MLIP: variants seen among roughly 807,000 people sequenced by gnomAD.
MLIP encodes the protein muscular LMNA-interacting protein.
Under a neutral mutation model 84.8 loss-of-function variants are expected in MLIP, and 79 were observed. The observed-to-expected ratio is 0.93, with a 90% confidence interval of 0.78 to 1.12. The LOEUF is 1.12. Among genes scored for constraint, MLIP ranks in the 50% most tolerant of loss-of-function variants. MLIP has a pLI of 0.00. For synonymous variants in MLIP, 504 were observed against 463.0 expected, an observed-to-expected ratio of 1.09 and a Z score of -1.14; for missense variants, 1,257 against 1,160.6, an observed-to-expected ratio of 1.08 and a Z score of -1.21.
chr6:54,117,391 T>A (rs1343487548), intron 1 of MLIP, among the ~76,000 whole-genome samples: 1 of 151,394 alleles, frequency 6.6e-6, no homozygotes, highest in Non-Finnish European at 1.5e-5. Flanking sequence ...ATTTTTTGTA[T>A]TTTTAGTAGA....
chr6:54,054,526 A>T (rs188217448), intron 1 of MLIP, among the ~76,000 whole-genome samples: 2 of 152,220 alleles, frequency 1.3e-5, no homozygotes, highest in Admixed American at 1.3e-4. Flanking sequence ...GCAGAAACAT[A>T]CATTTTTGCA....
intron 2 of MLIP, among the ~76,000 whole-genome samples, chr6:54,122,856 C>A (rs1423628799): frequency 6.6e-6 from 1 of 152,094 alleles, no homozygotes; most frequent in Admixed American, 6.6e-5. Context: ...TATATACAAC[C>A]ACATCTTTAA....
chr6:54,239,368 A>T (rs9395918), intron 12 of MLIP, among the ~76,000 whole-genome samples: 44,435 of 141,580 alleles, frequency 0.31, 9,510 homozygotes, highest in African/African-American at 0.64. Context: ...TATATATATA[A>T]TATATATATA....
chr6:54,140,767 C>T (rs928201655), intron 4 of MLIP, among the ~76,000 whole-genome samples: 2 of 152,098 alleles, frequency 1.3e-5, no homozygotes, highest in Admixed American at 1.3e-4. Flanking sequence ...ATAGATAAAT[C>T]TTATCCCAAG....
At position 54,039,840 on chromosome 6, in the gene MLIP, G is replaced by A. The variant is rs571534497; in HGVS notation, c.63+20749G>A. Among the ~76,000 whole-genome samples, 12 of 151,952 alleles carry A rather than the reference G, an allele frequency of 7.9e-5. No individual in the cohort carries two copies. In the South Asian group the frequency reaches 1.5e-3, roughly 18 times the overall value. ...GTTGTAGGCTGAAATGTTCAGCCAC[G>A]CTAAAATGTTAAACATTTTAGATCA... On this transcript the variant is annotated intron_variant, in intron 1 of 12. Coordinates refer to the MLIP transcript ENST00000274897.
chr6:54,096,850 C>T (rs1188937008), intron 1 of MLIP, among the ~76,000 whole-genome samples: 1 of 152,154 alleles, frequency 6.6e-6, no homozygotes, highest in Non-Finnish European at 1.5e-5. Flanking sequence ...GTCATTGATG[C>T]TGTGGCACAG....
At chr6:54,117,607 A>T (rs904176602) in intron 1 of MLIP, among the ~76,000 whole-genome samples, 1 of 151,998 alleles carries the variant, frequency 6.6e-6, no homozygotes, top group Admixed American at 6.6e-5. Flanking sequence ...TTTGGAAAGG[A>T]AGCAGTTAAA....
intron 9 of MLIP, among the ~76,000 whole-genome samples, chr6:54,186,320 T>G (rs751984622): frequency 6.6e-6 from 1 of 152,214 alleles, no homozygotes; most frequent in Non-Finnish European, 1.5e-5. Context: ...TTATAATTAT[T>G]CATCTGTATG....
intron 1 of MLIP, among the ~76,000 whole-genome samples, chr6:54,023,951 C>T (rs1763656454): frequency 6.6e-6 from 1 of 152,154 alleles, no homozygotes; most frequent in Admixed American, 6.5e-5. Context: ...TGTAAAGCTA[C>T]AAAGAATTTT....
intron 5 of MLIP, among the ~76,000 whole-genome samples, chr6:54,154,378 C>G (rs772043871): frequency 2.0e-5 from 3 of 152,164 alleles, no homozygotes; most frequent in Non-Finnish European, 4.4e-5. Context: ...TATAGAACAG[C>G]CTTCTGCTGG....
At chr6:54,217,320 TAAG>T (rs1348122665) in intron 11 of MLIP, 1 of 985,228 alleles carries the variant, frequency 1.0e-6, no homozygotes, top group East Asian at 1.1e-4. Context: ...CAGGCTTTAA[TAAG>T]AAGAGCTCAA....
At chr6:54,220,416 GA>G (rs1165545191) in intron 11 of MLIP, among the ~76,000 whole-genome samples, 2 of 152,018 alleles carry the variant, frequency 1.3e-5, no homozygotes, top group Non-Finnish European at 2.9e-5. Context: ...TCTTAACAGG[GA>G]AAAAATGAAA....
chr6:54,057,326 T>C (rs575681821), intron 1 of MLIP, among the ~76,000 whole-genome samples: 1 of 152,318 alleles, frequency 6.6e-6, no homozygotes, highest in South Asian at 2.1e-4. Context: ...AGTTCAGTAG[T>C]TACAACTGCA....
chr6:54,240,358 AT>A (rs1012674373), intron 12 of MLIP, among the ~76,000 whole-genome samples: 3 of 152,036 alleles, frequency 2.0e-5, no homozygotes, highest in African/African-American at 7.2e-5. Flanking sequence ...ATTACGGCCT[AT>A]TTTTCTATTG....
intron 1 of MLIP, among the ~76,000 whole-genome samples, chr6:54,024,704 A>G (rs1362939812): frequency 6.6e-6 from 1 of 152,222 alleles, no homozygotes; most frequent in Non-Finnish European, 1.5e-5. Flanking sequence ...AAACATTCTA[A>G]GTGTACAAAC....
At chr6:54,203,515 T>C (rs1351788548) in intron 11 of MLIP, 6 of 152,202 alleles carry the variant, frequency 3.9e-5, no homozygotes, top group Non-Finnish European at 8.8e-5. Flanking sequence ...AAGAATCTCT[T>C]ATCTGATGTG....
intron 5 of MLIP, among the ~76,000 whole-genome samples, chr6:54,154,716 A>AAT (rs1441671344): frequency 6.6e-6 from 1 of 152,162 alleles, no homozygotes; most frequent in Non-Finnish European, 1.5e-5. Flanking sequence ...TACTTGCTAA[A>AAT]ATATATTTAT....
At chr6:54,225,165 G>T (rs948204788) in intron 11 of MLIP, among the ~76,000 whole-genome samples, 1 of 152,090 alleles carries the variant, frequency 6.6e-6, no homozygotes, top group East Asian at 1.9e-4. Flanking sequence ...GAATCTCCAC[G>T]CTGTTTTCCA....
At chr6:54,203,267 C>T (rs183950057) in intron 11 of MLIP, among the ~76,000 whole-genome samples, 1 of 151,932 alleles carries the variant, frequency 6.6e-6, no homozygotes, top group Non-Finnish European at 1.5e-5. Context: ...AGAGTATGGG[C>T]TATATATTTT....
Sources: gnomAD v4.1 joint callset for allele counts (sites outside exome capture counted in the v4.1 genomes callset) on GRCh38, gnomAD v4.1.1 for gene constraint, MANE v1.5 for transcripts, NCBI Gene and HGNC (gene_info 2026-07-23, HGNC 2026-07-21) for gene names.